The following SPON1 variants were observed in gnomAD, a reference collection of about 807,000 sequenced individuals.
The protein encoded by SPON1 is spondin-1.
SPON1 carries 52 observed loss-of-function variants against 111.7 expected under a neutral mutation model. The observed-to-expected ratio is 0.47, with a 90% CI of 0.37 to 0.59. The LOEUF is 0.59. SPON1 is among the 20% of genes least tolerant of loss of function. SPON1 has a pLI of 0.00. For synonymous variants in SPON1, 410 were observed against 395.8 expected (o/e 1.04, Z -0.43); for missense variants, 957 against 1,068.5 (o/e 0.90, Z 1.46).
rs1554941668 is a variant in SPON1 at position 14,259,460 on chromosome 11, G to A, written c.1663+10G>A. 3 of 1,602,474 alleles carry A rather than the reference G, an allele frequency of 1.9e-6. No individual in the cohort carries two copies. The highest frequency in any genetic ancestry group is 1.1e-5 in the South Asian group (1 of 88,984). On this transcript the variant is annotated intron_variant, in intron 12 of 15. Transcript: ENST00000576479. This position sits in a 1 kb window ranked among gnomAD's most constrained non-coding sequence, Gnocchi z 5.0. The stretch of plus-strand genomic sequence containing the variant: ...GTCAACGAGGAGTGCTGTGAGTGGG[G>A]GCCCCGGGCGGGCAGGCGGGCAAGT...
chr11:14,248,929 G>A (rs1406737964), intron 7 of SPON1, among the ~76,000 whole-genome samples: 1 of 152,190 alleles, frequency 6.6e-6, no homozygotes, highest in Non-Finnish European at 1.5e-5. Context: ...GGTAGAGACA[G>A]GAAAGGCAGA....
chr11:14,231,668 AG>A (rs1336112996), intron 6 of SPON1, among the ~76,000 whole-genome samples: 11 of 152,158 alleles, frequency 7.2e-5, no homozygotes, highest in Non-Finnish European at 1.6e-4. Context: ...CTCTCCACAA[AG>A]GTAAATAGAT....
At chr11:14,258,343 C>G (rs1554941452) in intron 11 of SPON1, among the ~76,000 whole-genome samples, 3 of 152,208 alleles carry the variant, frequency 2.0e-5, no homozygotes, top group African/African-American at 7.2e-5. Flanking sequence ...GTGTCAGGAC[C>G]TTTGGGCTGA....
intron 5 of SPON1, among the ~76,000 whole-genome samples, chr11:14,130,838 C>T (rs1369265801): frequency 1.3e-5 from 2 of 151,640 alleles, no homozygotes; most frequent in Non-Finnish European, 2.9e-5. Context: ...TTTTCAGCAA[C>T]TTGCCTCTGT....
chr11:13,998,593 C>T (rs1848292041), intron 2 of SPON1, among the ~76,000 whole-genome samples: 1 of 152,214 alleles, frequency 6.6e-6, no homozygotes, highest in South Asian at 2.1e-4. Context: ...GAGTTAAATT[C>T]CCATTCCCCT....
At chr11:14,213,974 C>G (rs1554936941) in intron 6 of SPON1, among the ~76,000 whole-genome samples, 1 of 152,188 alleles carries the variant, frequency 6.6e-6, no homozygotes, top group Non-Finnish European at 1.5e-5. Flanking sequence ...TGTGTGCACA[C>G]AAGCACACAA....
intron 1 of SPON1, among the ~76,000 whole-genome samples, chr11:13,980,098 T>C (rs894208328): frequency 2.0e-5 from 3 of 152,054 alleles, no homozygotes; most frequent in Non-Finnish European, 2.9e-5. Flanking sequence ...TACAGTGCAG[T>C]GGTGCAATCT....
At chr11:14,264,253 C>T in intron 15 of SPON1, among the ~76,000 whole-genome samples, 1 of 152,036 alleles carries the variant, frequency 6.6e-6, no homozygotes, top group Non-Finnish European at 1.5e-5. Context: ...GGACCTGATT[C>T]TGTAGGTGGT....
chr11:14,217,554 C>A (rs1357180675), intron 6 of SPON1, among the ~76,000 whole-genome samples: 1 of 151,788 alleles, frequency 6.6e-6, no homozygotes. Flanking sequence ...GTAGACTTCA[C>A]TTATTTATTG....
intron 6 of SPON1, among the ~76,000 whole-genome samples, chr11:14,138,352 T>TCTG (rs1847616699): frequency 6.6e-6 from 1 of 151,824 alleles, no homozygotes; most frequent in Non-Finnish European, 1.5e-5. Context: ...GTGGAAGTAT[T>TCTG]AATAATAATA....
At chr11:14,173,176 G>C (rs1554932694) in intron 6 of SPON1, among the ~76,000 whole-genome samples, 1 of 151,864 alleles carries the variant, frequency 6.6e-6, no homozygotes, top group Non-Finnish European at 1.5e-5. Context: ...ATATTTCTTG[G>C]AGGGTTTGTT....
chr11:14,174,051 G>T (rs1439173895), intron 6 of SPON1, among the ~76,000 whole-genome samples: 1 of 152,190 alleles, frequency 6.6e-6, no homozygotes, highest in South Asian at 2.1e-4. Context: ...GGCCAGGAAA[G>T]CATGCATTTC....
intron 5 of SPON1, among the ~76,000 whole-genome samples, chr11:14,091,968 C>T (rs1849062964): frequency 6.6e-6 from 1 of 152,170 alleles, no homozygotes; most frequent in Non-Finnish European, 1.5e-5. Context: ...CTGGGCAAGG[C>T]GACACCCCAC....
intron 6 of SPON1, among the ~76,000 whole-genome samples, chr11:14,215,355 T>C (rs782713183): frequency 3.9e-5 from 6 of 152,180 alleles, no homozygotes; most frequent in Non-Finnish European, 7.3e-5. Flanking sequence ...GCCAGGTTAC[T>C]TGTGGTATTC....
intron 2 of SPON1, among the ~76,000 whole-genome samples, chr11:13,998,539 C>T (rs1407649946): frequency 6.6e-6 from 1 of 152,198 alleles, no homozygotes; most frequent in Non-Finnish European, 1.5e-5. Flanking sequence ...AAACACTTGG[C>T]ACATCCCTTT....
chr11:14,110,569 C>T (rs1849219849), intron 5 of SPON1, among the ~76,000 whole-genome samples: 1 of 152,130 alleles, frequency 6.6e-6, no homozygotes, highest in Non-Finnish European at 1.5e-5. Flanking sequence ...GTAGCCTGGC[C>T]CAGTTCAAGT....
chr11:14,150,968 T>C (rs886232159), intron 6 of SPON1, among the ~76,000 whole-genome samples: 61 of 152,310 alleles, frequency 4.0e-4, no homozygotes, highest in African/African-American at 1.4e-3. Context: ...TGTTGTTACG[T>C]TCTCTGTGTC....
At chr11:14,213,475 T>C (rs781831894) in intron 6 of SPON1, among the ~76,000 whole-genome samples, 13 of 152,090 alleles carry the variant, frequency 8.5e-5, no homozygotes, top group Non-Finnish European at 1.6e-4. Flanking sequence ...TATTGTGTCA[T>C]TTAAAGAAAA....
chr11:14,196,804 C>T (rs1210397503), intron 6 of SPON1, among the ~76,000 whole-genome samples: 1 of 152,204 alleles, frequency 6.6e-6, no homozygotes, highest in Non-Finnish European at 1.5e-5. Flanking sequence ...AATCCCAGCC[C>T]TTTGGGAGGC....
Sources: gnomAD v4.1 joint callset for allele counts (sites outside exome capture counted in the v4.1 genomes callset) on GRCh38, gnomAD v4.1.1 for gene constraint, Gnocchi (gnomAD v3.1) non-coding constraint, MANE v1.5 for transcripts, NCBI Gene and HGNC (gene_info 2026-07-23, HGNC 2026-07-21) for gene names.